Variants in ADAMTSL1 observed in about 807,000 individuals in gnomAD.
ADAMTSL1 encodes the protein ADAMTS-like protein 1.
Under a neutral mutation model 201.8 loss-of-function variants are expected in ADAMTSL1, and 126 were observed. That is an observed-to-expected ratio of 0.62 (90% CI 0.54 to 0.72). The LOEUF is 0.72. Among genes scored for constraint, ADAMTSL1 ranks in the 30% least tolerant of loss-of-function variants. The pLI, the probability that ADAMTSL1 is intolerant of heterozygous loss-of-function variation, is 0.00. For missense variants in ADAMTSL1, 2,679 were observed against 2,277.8 expected (o/e 1.18, Z -3.59); for synonymous variants, 1,121 against 903.4 (o/e 1.24, Z -4.32).
At chr9:18,139,250 A>C (rs965422906) in intron 1 of ADAMTSL1, among the ~76,000 whole-genome samples, 1 of 152,158 alleles carries the variant, frequency 6.6e-6, no homozygotes, top group African/African-American at 2.4e-5. Flanking sequence ...GTTGTTCCCT[A>C]AGTCAGTGTT....
chr9:18,793,643 TA>T (rs1360544492), intron 19 of ADAMTSL1, among the ~76,000 whole-genome samples: 1 of 152,154 alleles, frequency 6.6e-6, no homozygotes, highest in Non-Finnish European at 1.5e-5. Context: ...CTAGGGAGGT[TA>T]AAAAATCACA....
At chr9:17,914,755 T>C (rs1826026060) in intron 1 of ADAMTSL1, among the ~76,000 whole-genome samples, 1 of 151,984 alleles carries the variant, frequency 6.6e-6, no homozygotes, top group Non-Finnish European at 1.5e-5. Context: ...GATGACATGA[T>C]TGTATATCTA....
intron 23 of ADAMTSL1, among the ~76,000 whole-genome samples, chr9:18,831,477 A>G (rs1028723794): frequency 3.9e-5 from 6 of 152,236 alleles, no homozygotes; most frequent in Admixed American, 2.0e-4. Flanking sequence ...GGTGCCATTT[A>G]GCATGCTGGA....
At chr9:18,537,904 GAA>G (rs1819885166) in intron 3 of ADAMTSL1, among the ~76,000 whole-genome samples, 1 of 146,394 alleles carries the variant, frequency 6.8e-6, no homozygotes, top group Non-Finnish European at 1.5e-5. Context: ...GAAGAAAGAA[GAA>G]GAAGAAGAAG....
intron 2 of ADAMTSL1, among the ~76,000 whole-genome samples, chr9:18,303,748 G>C (rs1429949729): frequency 1.3e-5 from 2 of 152,182 alleles, no homozygotes; most frequent in African/African-American, 4.8e-5. Context: ...GTCTAATGAG[G>C]AGAAGGGTGA....
intron 1 of ADAMTSL1, among the ~76,000 whole-genome samples, chr9:17,941,800 C>G (rs905673905): frequency 6.6e-6 from 1 of 152,070 alleles, no homozygotes; most frequent in Non-Finnish European, 1.5e-5. Context: ...TCTCACAGTT[C>G]TAGAAGCTGG....
At chr9:18,127,548 A>G (rs555370557) in intron 1 of ADAMTSL1, among the ~76,000 whole-genome samples, 32 of 151,986 alleles carry the variant, frequency 2.1e-4, no homozygotes, top group Non-Finnish European at 4.4e-4. Context: ...GAAGGAGAAT[A>G]CTAACATTTT....
chr9:18,166,323 C>A (rs1395038991), intron 2 of ADAMTSL1, among the ~76,000 whole-genome samples: 1 of 151,848 alleles, frequency 6.6e-6, no homozygotes, highest in East Asian at 1.9e-4. Context: ...GGTGAGAAAA[C>A]CCACCATGCC....
At chr9:18,276,271 C>G (rs1250554490) in intron 2 of ADAMTSL1, among the ~76,000 whole-genome samples, 2 of 152,016 alleles carry the variant, frequency 1.3e-5, no homozygotes, top group Non-Finnish European at 2.9e-5. Context: ...ATATGTTTAG[C>G]AAATGTTTTA....
chr9:18,035,446 G>A (rs1821154585), intron 1 of ADAMTSL1, among the ~76,000 whole-genome samples: 1 of 152,124 alleles, frequency 6.6e-6, no homozygotes, highest in Non-Finnish European at 1.5e-5. Flanking sequence ...GAGGAAGAGG[G>A]GTAATAGCAT....
intron 1 of ADAMTSL1, among the ~76,000 whole-genome samples, chr9:17,931,276 GCA>G (rs1826773362): frequency 6.6e-6 from 1 of 152,134 alleles, no homozygotes; most frequent in Non-Finnish European, 1.5e-5. Flanking sequence ...CTGCTTTTGT[GCA>G]CAGTTTGTGG....
At chr9:18,855,093 C>T (rs890416443) in intron 23 of ADAMTSL1, among the ~76,000 whole-genome samples, 2 of 152,124 alleles carry the variant, frequency 1.3e-5, no homozygotes, top group Non-Finnish European at 2.9e-5. Flanking sequence ...GATATCTTGA[C>T]CATCACAGAG....
At chr9:18,155,629 TC>T (rs1827119124) in intron 1 of ADAMTSL1, among the ~76,000 whole-genome samples, 2 of 152,134 alleles carry the variant, frequency 1.3e-5, no homozygotes, top group African/African-American at 4.8e-5. Context: ...CAATTCTTCT[TC>T]CATGTGGCCT....
At chr9:18,450,647 A>G (rs78370126) in intron 2 of ADAMTSL1, among the ~76,000 whole-genome samples, 1,680 of 152,140 alleles carry the variant, frequency 0.011, 35 homozygotes, top group African/African-American at 0.038. Flanking sequence ...CACACCACAT[A>G]GAACTTTTCT....
intron 2 of ADAMTSL1, among the ~76,000 whole-genome samples, chr9:18,346,915 C>G (rs549832153): frequency 6.6e-6 from 1 of 152,150 alleles, no homozygotes; most frequent in African/African-American, 2.4e-5. Context: ...CCAGCACATT[C>G]TCCTCCTTCC....
At chr9:18,721,189 C>G (rs1006092858) in intron 14 of ADAMTSL1, among the ~76,000 whole-genome samples, 5 of 152,156 alleles carry the variant, frequency 3.3e-5, no homozygotes, top group Non-Finnish European at 7.3e-5. Flanking sequence ...TTTTTGCCAC[C>G]CTGTGCTCCT....
At chr9:18,604,480 A>G (rs1824877004) in intron 4 of ADAMTSL1, among the ~76,000 whole-genome samples, 2 of 152,076 alleles carry the variant, frequency 1.3e-5, no homozygotes, top group South Asian at 4.1e-4. Context: ...GAATTTGACT[A>G]TTTGGGGTGC....
intron 25 of ADAMTSL1, chr9:18,890,670 C>T (rs1040780837): frequency 1.3e-5 from 6 of 452,630 alleles, no homozygotes; most frequent in African/African-American, 1.2e-4. Flanking sequence ...GATTAATGTC[C>T]TTTTATACCC....
At chr9:18,189,920 A>G (rs1472260857) in intron 2 of ADAMTSL1, among the ~76,000 whole-genome samples, 1 of 152,210 alleles carries the variant, frequency 6.6e-6, no homozygotes, top group Non-Finnish European at 1.5e-5. Flanking sequence ...TCAAATAAGC[A>G]TATTAGTCTG....
Sources: gnomAD v4.1 joint callset for allele counts (sites outside exome capture counted in the v4.1 genomes callset) on GRCh38, gnomAD v4.1.1 for gene constraint, MANE v1.5 for transcripts, NCBI Gene and HGNC (gene_info 2026-07-23, HGNC 2026-07-21) for gene names.